The following NDUFA8 variants were observed in gnomAD, a reference collection of about 807,000 sequenced individuals.
NDUFA8 encodes the protein NADH dehydrogenase [ubiquinone] 1 alpha subcomplex subunit 8.
NDUFA8 carries 16 observed loss-of-function variants against 20.9 expected under a neutral mutation model. That is an observed-to-expected ratio of 0.77 (90% confidence interval 0.52 to 1.16). NDUFA8 has a LOEUF of 1.16. NDUFA8 is among the 50% of genes most tolerant of loss of function. NDUFA8 has a pLI of 0.00. For synonymous variants in NDUFA8, 70 were observed against 76.1 expected (o/e 0.92, Z 0.41); for missense variants, 202 against 216.4 (o/e 0.93, Z 0.42).
chr9:122,150,697 C>T (rs940667393), intron 2 of NDUFA8, among the ~76,000 whole-genome samples: 4 of 151,910 alleles, frequency 2.6e-5, no homozygotes, highest in African/African-American at 4.8e-5. Flanking sequence ...CGGCCAGGTG[C>T]GGTGGCTCAC....
the NDUFA8 span, among the ~76,000 whole-genome samples, chr9:122,136,802 G>A: frequency 1.3e-4 from 20 of 152,198 alleles, no homozygotes; most frequent in Non-Finnish European, 2.2e-4. Flanking sequence ...TGATCCGCCC[G>A]TCTCAGCCTC....
intron 1 of NDUFA8, among the ~76,000 whole-genome samples, chr9:122,156,732 T>C (rs1336086356): frequency 3.9e-5 from 6 of 152,244 alleles, no homozygotes; most frequent in Non-Finnish European, 8.8e-5. Flanking sequence ...AATCTGACTT[T>C]GATTCTTCAA....
At chr9:122,151,792 TTTAC>T (rs1189446762) in intron 2 of NDUFA8, among the ~76,000 whole-genome samples, 4 of 107,708 alleles carry the variant, frequency 3.7e-5, no homozygotes, top group African/African-American at 1.8e-4. Flanking sequence ...TTAGTTTTTT[TTTAC>T]TTAAGTATCA....
intron 3 of NDUFA8, among the ~76,000 whole-genome samples, chr9:122,147,419 A>T (rs1490498860): frequency 6.6e-6 from 1 of 150,648 alleles, no homozygotes; most frequent in East Asian, 1.9e-4. Flanking sequence ...ATGTAGTTTT[A>T]AAAAAAAAAT....
chr9:122,148,749 G>C (rs1344382678), intron 2 of NDUFA8, among the ~76,000 whole-genome samples: 1 of 151,924 alleles, frequency 6.6e-6, no homozygotes, highest in African/African-American at 2.4e-5. Flanking sequence ...GAAGATCCTG[G>C]GATCATTCAG....
chr9:122,143,426 C>T (rs767278394), downstream of NDUFA8, among the ~76,000 whole-genome samples: 10 of 152,298 alleles, frequency 6.6e-5, no homozygotes, highest in South Asian at 2.1e-4. Context: ...GCTTTATAAA[C>T]ACTTGTGGCT....
chr9:122,155,700 T>C (rs776952105), intron 1 of NDUFA8, among the ~76,000 whole-genome samples: 3 of 152,204 alleles, frequency 2.0e-5, no homozygotes, highest in Admixed American at 6.5e-5. Context: ...AAACTAACAC[T>C]CAAACTTTTT....
downstream of NDUFA8, among the ~76,000 whole-genome samples, chr9:122,143,628 G>C (rs1828852790): frequency 6.6e-6 from 1 of 152,362 alleles, no homozygotes; most frequent in South Asian, 2.1e-4. Context: ...TATAATGCTT[G>C]AGGATGGGAT....
the NDUFA8 span, among the ~76,000 whole-genome samples, chr9:122,134,342 A>G: frequency 6.6e-6 from 1 of 152,126 alleles, no homozygotes; most frequent in African/African-American, 2.4e-5. Context: ...ACCACTTACT[A>G]TATATAGCTG....
chr9:122,152,492 A>G (rs1829018708), intron 1 of NDUFA8, 84 bp from the exon 2 acceptor site: 1 of 1,314,888 alleles, frequency 7.6e-7, no homozygotes, highest in Non-Finnish European at 1.1e-6. Context: ...GGGTCAGAAT[A>G]GAGAACACAA....
At chr9:122,141,137 T>C (rs1271392750), downstream of NDUFA8, among the ~76,000 whole-genome samples, 1 of 152,188 alleles carries the variant, frequency 6.6e-6, no homozygotes, top group East Asian at 1.9e-4. Flanking sequence ...AAATTCTTGA[T>C]GAATAGCATG....
chr9:122,159,528 G>T, intron 1 of NDUFA8, 99 bp downstream of exon 1: 1 of 1,453,730 alleles, frequency 6.9e-7, no homozygotes, highest in Non-Finnish European at 9.7e-7. Flanking sequence ...GGGGAGGGGG[G>T]CCCGGGTCCC....
At chr9:122,134,291 G>T in the NDUFA8 span, among the ~76,000 whole-genome samples, 1 of 152,098 alleles carries the variant, frequency 6.6e-6, no homozygotes, top group South Asian at 2.1e-4. Context: ...TAAGACTTAC[G>T]GTTTTGGAAT....
chr9:122,148,297 TA>T lies in NDUFA8; in HGVS notation c.216-21del, dbSNP rs756440721. ...ATCTGCCTGGAAAAGAAAGCTGGGT[TA>T]GGGGCATCTCTTTGCAAAACAATGA... On this transcript the variant is annotated intron_variant, in intron 2 of 3. Coordinates refer to ENST00000373768, the MANE Select transcript of NDUFA8 (RefSeq NM_014222.3). 2.5e-6 allele frequency: 4 copies of T among 1,613,800 alleles called. No homozygotes were observed. In the Middle Eastern group the frequency reaches 4.9e-4, roughly 199 times the overall value.
chr9:122,144,816 G>A (rs1828878145), intron 3 of NDUFA8, among the ~76,000 whole-genome samples: 1 of 152,178 alleles, frequency 6.6e-6, no homozygotes, highest in South Asian at 2.1e-4. Flanking sequence ...GTCTGAGCAG[G>A]AGCCAGTCAG....
chr9:122,154,172 C>T (rs1311029092), intron 1 of NDUFA8, among the ~76,000 whole-genome samples: 1 of 152,170 alleles, frequency 6.6e-6, no homozygotes, highest in Non-Finnish European at 1.5e-5. Context: ...ATCAATTCTC[C>T]CCAAATTAAG....
At chr9:122,140,584 T>C (rs1456757532), downstream of NDUFA8, among the ~76,000 whole-genome samples, 1 of 152,224 alleles carries the variant, frequency 6.6e-6, no homozygotes, top group East Asian at 1.9e-4. Flanking sequence ...ATGTTTGTCA[T>C]ATACTGGGCA....
chr9:122,157,869 T>TAA (rs1330514632), intron 1 of NDUFA8, among the ~76,000 whole-genome samples: 1 of 152,208 alleles, frequency 6.6e-6, no homozygotes, highest in Non-Finnish European at 1.5e-5. Flanking sequence ...AGACTTAACA[T>TAA]ACGGCCAGGC....
Position 122,144,264 on chromosome 9 carries a change from G to T in NDUFA8, c.496C>A (p.Arg166Ser), listed in dbSNP as rs934953523. Residue 166 changes from arginine to serine, a missense_variant, in exon 4 of 4, where the codon CGC (arginine) becomes AGC (serine). By Grantham distance (110) the Arg-to-Ser change is moderately radical (BLOSUM62 -1). Transcript: ENST00000373768. Reference protein sequence around the residue: ...GDLQPATHGSRFYFWTK With the variant: ...GDLQPATHGSSFYFWTK ...CTTTACTTGGTCCAGAAATAAAAGC[G>T]GCTGCCATGTGTGGCAGGCTGCAGA... is the stretch of plus-strand genomic sequence containing the variant. The T allele has an allele frequency of 4.3e-6, 7 of 1,613,954 alleles. No individual in the cohort carries two copies. The East Asian group carries it at 6.7e-5, about 15-fold the overall frequency.
Sources: allele counts gnomAD v4.1 joint callset (sites outside exome capture counted in the v4.1 genomes callset), GRCh38; gene constraint gnomAD v4.1.1; transcripts MANE v1.5; gene names NCBI Gene and HGNC (gene_info 2026-07-23, HGNC 2026-07-21).